MACROD2: variants seen among roughly 807,000 people sequenced by gnomAD.
MACROD2 encodes the protein mono-ADP ribosylhydrolase 2.
A neutral mutation model predicts 70.4 loss-of-function variants in MACROD2; 36 were observed. That is an observed-to-expected ratio of 0.51 (90% confidence interval 0.39 to 0.68). MACROD2 has a LOEUF of 0.68. Among genes scored for constraint, MACROD2 ranks in the 30% least tolerant of loss-of-function variants. The pLI, the probability that MACROD2 is intolerant of heterozygous loss-of-function variation, is 0.00. For missense variants in MACROD2, 496 were observed against 538.4 expected (o/e 0.92, Z 0.78); for synonymous variants, 172 against 178.8 (o/e 0.96, Z 0.30).
chr20:14,976,141 T>C (rs1416893244), intron 5 of MACROD2, among the ~76,000 whole-genome samples: 1 of 152,210 alleles, frequency 6.6e-6, no homozygotes, highest in African/African-American at 2.4e-5. Flanking sequence ...GTTGTTTTTC[T>C]CATTTTTGTG....
intron 8 of MACROD2, among the ~76,000 whole-genome samples, chr20:15,855,085 G>A (rs6074958): frequency 0.53 from 80,660 of 151,960 alleles, 22,590 homozygotes; most frequent in Middle Eastern, 0.64. Flanking sequence ...TTGGTTGTTG[G>A]GGAAGCAAAT....
intron 8 of MACROD2, among the ~76,000 whole-genome samples, chr20:15,837,607 A>C (rs946783389): frequency 6.6e-6 from 1 of 152,056 alleles, no homozygotes; most frequent in Non-Finnish European, 1.5e-5. Flanking sequence ...TCCTCAGGTC[A>C]CCAAAGTGCA....
chr20:14,307,204 A>G (rs1296409877), intron 3 of MACROD2, among the ~76,000 whole-genome samples: 1 of 152,180 alleles, frequency 6.6e-6, no homozygotes, highest in African/African-American at 2.4e-5. Flanking sequence ...AATTTAATAA[A>G]GTTGACATTA....
At chr20:15,918,374 C>T (rs1036558031) in intron 10 of MACROD2, among the ~76,000 whole-genome samples, 3 of 152,060 alleles carry the variant, frequency 2.0e-5, no homozygotes, top group African/African-American at 4.8e-5. Context: ...GTAGTATATG[C>T]GTATATTTAA....
intron 8 of MACROD2, among the ~76,000 whole-genome samples, chr20:15,604,336 A>G (rs188367836): frequency 6.6e-6 from 1 of 152,330 alleles, no homozygotes; most frequent in Admixed American, 6.5e-5. Flanking sequence ...GTGAAACAAA[A>G]TTACCAATTC....
At chr20:15,737,566 A>G (rs553727663) in intron 8 of MACROD2, among the ~76,000 whole-genome samples, 1 of 152,336 alleles carries the variant, frequency 6.6e-6, no homozygotes, top group East Asian at 1.9e-4. Flanking sequence ...GTTCAGGTCC[A>G]TTTGTTAGCT....
intron 5 of MACROD2, among the ~76,000 whole-genome samples, chr20:14,789,007 G>A (rs1443768091): frequency 6.6e-6 from 1 of 151,758 alleles, no homozygotes; most frequent in East Asian, 1.9e-4. Flanking sequence ...GACCTCAGGT[G>A]ATCTGCCTGC....
intron 4 of MACROD2, among the ~76,000 whole-genome samples, chr20:14,652,511 G>A (rs1394964208): frequency 6.6e-6 from 1 of 152,056 alleles, no homozygotes; most frequent in Non-Finnish European, 1.5e-5. Context: ...TAATAAGATA[G>A]TAACTTAACA....
At chr20:15,739,684 A>G (rs1187271293) in intron 8 of MACROD2, among the ~76,000 whole-genome samples, 1 of 152,226 alleles carries the variant, frequency 6.6e-6, no homozygotes, top group Non-Finnish European at 1.5e-5. Context: ...AAATGTTTGT[A>G]TAGACTCCTT....
intron 4 of MACROD2, among the ~76,000 whole-genome samples, chr20:14,647,824 T>C (rs1015867851): frequency 6.6e-6 from 1 of 152,130 alleles, no homozygotes; most frequent in Non-Finnish European, 1.5e-5. Flanking sequence ...GTTCATTTTT[T>C]TTCCATTGTC....
intron 5 of MACROD2, among the ~76,000 whole-genome samples, chr20:15,220,945 T>C (rs1387419202): frequency 6.6e-6 from 1 of 152,272 alleles, no homozygotes; most frequent in Middle Eastern, 3.4e-3. Flanking sequence ...GAAGAGTCTT[T>C]CTTGTCCAGG....
At chr20:14,734,890 GAAT>G (rs200719325) in intron 5 of MACROD2, among the ~76,000 whole-genome samples, 3,424 of 152,156 alleles carry the variant, frequency 0.023, 69 homozygotes, top group Non-Finnish European at 0.037. Context: ...CATGGACAAA[GAAT>G]AATATCTTCA....
At chr20:14,951,940 T>G (rs2122733808) in intron 5 of MACROD2, among the ~76,000 whole-genome samples, 1 of 151,610 alleles carries the variant, frequency 6.6e-6, no homozygotes, top group Admixed American at 6.6e-5. Flanking sequence ...TTCCAGAGCT[T>G]ATTACTCATC....
chr20:16,035,092 AATATTAT>A (rs1568725745), intron 15 of MACROD2, among the ~76,000 whole-genome samples: 1,267 of 38,078 alleles, frequency 0.033, 89 homozygotes, highest in Non-Finnish European at 0.084. Flanking sequence ...TGTAATATAA[AATATTAT>A]ATATTATATA....
At chr20:14,255,561 G>A (rs1044762049) in intron 3 of MACROD2, among the ~76,000 whole-genome samples, 1 of 151,920 alleles carries the variant, frequency 6.6e-6, no homozygotes, top group Non-Finnish European at 1.5e-5. Context: ...GGGAGGGATA[G>A]CATTAGGAGA....
intron 8 of MACROD2, among the ~76,000 whole-genome samples, chr20:15,639,054 G>A (rs1407600881): frequency 6.6e-6 from 1 of 152,166 alleles, no homozygotes; most frequent in Non-Finnish European, 1.5e-5. Context: ...AGCAACAGCA[G>A]GTTCGGGGCT....
At chr20:14,190,698 A>G (rs943687504) in intron 3 of MACROD2, among the ~76,000 whole-genome samples, 1 of 28,096 alleles carries the variant, frequency 3.6e-5, no homozygotes, top group African/African-American at 1.2e-4. Context: ...ATATATATAT[A>G]TTTTTTTTTT....
intron 3 of MACROD2, among the ~76,000 whole-genome samples, chr20:14,291,750 G>T (rs1244678269): frequency 1.3e-5 from 2 of 151,906 alleles, no homozygotes; most frequent in African/African-American, 2.4e-5. Context: ...TGTTTCTGCA[G>T]AAAGCACCAC....
rs572627916 is a variant in MACROD2 at position 15,147,292 on chromosome 20, C to T, written c.419-82648C>T. ...ATTGCTATTGCATAATTTTCCTTAT[C>T]TCTCATCTATAGACTGGATTTGATT... On this transcript the variant is annotated intron_variant, in intron 5 of 17. Transcript: ENST00000684519. Among the ~76,000 whole-genome samples, 454 of 152,234 alleles carry T rather than the reference C, an allele frequency of 3.0e-3. 4 individuals carry two copies. The highest frequency in any genetic ancestry group is 5.5e-3 in the Non-Finnish European group (376 of 68,026).
Sources: gnomAD v4.1 joint callset for allele counts (sites outside exome capture counted in the v4.1 genomes callset) on GRCh38, gnomAD v4.1.1 for gene constraint, MANE v1.5 for transcripts, NCBI Gene and HGNC (gene_info 2026-07-23, HGNC 2026-07-21) for gene names.